The following SPTLC3 variants were observed in gnomAD, a reference collection of about 807,000 sequenced individuals.
The protein encoded by SPTLC3 is serine palmitoyltransferase 3.
Under a neutral mutation model 59.3 loss-of-function variants are expected in SPTLC3, and 36 were observed. That is an observed-to-expected ratio of 0.61 (90% CI 0.47 to 0.80). SPTLC3 has a LOEUF of 0.80. SPTLC3 is among the 30% of genes least tolerant of loss of function. The pLI is 0.00. For missense variants in SPTLC3, 625 were observed against 685.1 expected, an observed-to-expected ratio of 0.91 and a Z score of 0.98; for synonymous variants, 257 against 240.8, an observed-to-expected ratio of 1.07 and a Z score of -0.62.
intron 8 of SPTLC3, among the ~76,000 whole-genome samples, chr20:13,121,405 C>T (rs1442927757): frequency 6.6e-6 from 1 of 152,186 alleles, no homozygotes; most frequent in Non-Finnish European, 1.5e-5. Flanking sequence ...ATTTAACATC[C>T]CTTTGAAGTA....
At chr20:13,102,371 T>G (rs541029359) in intron 6 of SPTLC3, among the ~76,000 whole-genome samples, 27 of 152,344 alleles carry the variant, frequency 1.8e-4, no homozygotes, top group African/African-American at 6.3e-4. Context: ...ATGAATCACC[T>G]GCTACTCTTA....
chr20:13,073,628 C>G, intron 3 of SPTLC3: 1 of 262,178 alleles, frequency 3.8e-6, no homozygotes, highest in East Asian at 9.0e-5. Context: ...TTTAGCCTCA[C>G]GGTAGTTGGT....
At chr20:13,035,042 C>G (rs537173385) in intron 1 of SPTLC3, among the ~76,000 whole-genome samples, 11 of 152,228 alleles carry the variant, frequency 7.2e-5, no homozygotes, top group African/African-American at 2.6e-4. Context: ...CAATTCTTCC[C>G]TCATTCATGA....
At chr20:13,157,368 T>C (rs1600404160) in intron 10 of SPTLC3, among the ~76,000 whole-genome samples, 1 of 150,256 alleles carries the variant, frequency 6.7e-6, no homozygotes, top group Non-Finnish European at 1.5e-5. Flanking sequence ...ACCCGGGAGG[T>C]GGAGGTTGCA....
intron 9 of SPTLC3, among the ~76,000 whole-genome samples, chr20:13,135,851 T>A (rs1213554838): frequency 6.6e-6 from 1 of 152,244 alleles, no homozygotes; most frequent in African/African-American, 2.4e-5. Context: ...TCTCAGCTAT[T>A]ACCTCAGTGC....
At chr20:13,049,169 A>G in intron 2 of SPTLC3, 39 bp downstream of exon 2, 1 of 1,599,670 alleles carries the variant, frequency 6.3e-7, no homozygotes, top group South Asian at 1.1e-5. Flanking sequence ...GTCAATGCCT[A>G]CTCCTCTCTA....
chr20:13,143,086 T>G (rs17190927), intron 9 of SPTLC3, among the ~76,000 whole-genome samples: 17,422 of 152,254 alleles, frequency 0.11, 1,110 homozygotes, highest in East Asian at 0.2. Flanking sequence ...CTGCTTCAAC[T>G]TGAGCACTGA....
chr20:13,033,033 G>A (rs1451523107), intron 1 of SPTLC3, among the ~76,000 whole-genome samples: 1 of 152,116 alleles, frequency 6.6e-6, no homozygotes, highest in Non-Finnish European at 1.5e-5. Flanking sequence ...AATCAATCAA[G>A]AACTAAGACT....
intron 9 of SPTLC3, among the ~76,000 whole-genome samples, chr20:13,142,222 TG>T (rs2038400795): frequency 6.6e-6 from 1 of 152,238 alleles, no homozygotes; most frequent in South Asian, 2.1e-4. Flanking sequence ...TAGATGGCAC[TG>T]GGGCAAAAGA....
chr20:13,060,055 G>T (rs2122532597), intron 2 of SPTLC3, among the ~76,000 whole-genome samples: 1 of 152,128 alleles, frequency 6.6e-6, no homozygotes, highest in South Asian at 2.1e-4. Context: ...TGTACCTCCT[G>T]ACTTTCAGCT....
intron 4 of SPTLC3, among the ~76,000 whole-genome samples, chr20:13,088,784 A>AT (rs375680092): frequency 0.047 from 5,251 of 111,804 alleles, 210 homozygotes; most frequent in Non-Finnish European, 0.06. Context: ...GCACCCGGCT[A>AT]TTTTTTTTTT....
At position 13,165,121 on chromosome 20, in the gene SPTLC3, C is replaced by CACAG; in HGVS notation, c.*254_*255insACAG. The CACAG allele has an allele frequency of 2.5e-6, 1 of 406,992 alleles. No individual in the cohort carries two copies. The highest frequency in any genetic ancestry group is 4.4e-6 in the Non-Finnish European group (1 of 226,374). The allele number at this position is 406,992 out of a possible 1,614,324, so 25.2% of individuals were successfully genotyped here. ...AAATACACACACACACACACACACACTTCTGAGAATATTTTTAATGGCAAT... is the reference window on the plus strand; with the variant it reads ...AAATACACACACACACACACACACACACAGTTCTGAGAATATTTTTAATGGCAAT... On this transcript the variant is annotated 3_prime_UTR_variant, in exon 12 of 12. Coordinates refer to ENST00000399002, the MANE Select transcript of SPTLC3 (RefSeq NM_018327.4).
At chr20:13,095,242 G>A (rs1201553102) in intron 6 of SPTLC3, among the ~76,000 whole-genome samples, 1 of 152,202 alleles carries the variant, frequency 6.6e-6, no homozygotes, top group East Asian at 1.9e-4. Context: ...TTCAACTGTA[G>A]TTCCATCTAT....
chr20:13,105,004 A>AT (rs1419083731), intron 6 of SPTLC3, among the ~76,000 whole-genome samples: 2 of 152,090 alleles, frequency 1.3e-5, no homozygotes, highest in African/African-American at 2.4e-5. Context: ...AAGCATCATT[A>AT]TTTTAAAAAA....
At chr20:13,164,299 A>C (rs2038953994) in intron 11 of SPTLC3, 3 of 468,706 alleles carry the variant, frequency 6.4e-6, no homozygotes, top group Non-Finnish European at 1.3e-5. Context: ...GGGTAGCATG[A>C]GAGGACAGAG....
intron 2 of SPTLC3, among the ~76,000 whole-genome samples, chr20:13,071,331 G>A (rs561192584): frequency 1.1e-4 from 16 of 152,234 alleles, no homozygotes; most frequent in African/African-American, 1.9e-4. Context: ...TCTAGCTCAC[G>A]GAAAATGTCA....
chr20:13,014,234 G>T (rs987273671), intron 1 of SPTLC3, among the ~76,000 whole-genome samples: 4 of 152,214 alleles, frequency 2.6e-5, no homozygotes, highest in African/African-American at 9.6e-5. Flanking sequence ...AAGGTTGTAA[G>T]GGATTGGAGA....
intron 8 of SPTLC3, among the ~76,000 whole-genome samples, chr20:13,125,673 T>C (rs2037971653): frequency 6.6e-6 from 1 of 152,214 alleles, no homozygotes; most frequent in African/African-American, 2.4e-5. Flanking sequence ...GGAATGGTCC[T>C]TCTCTGTTCC....
chr20:13,101,634 C>A (rs6041858), intron 6 of SPTLC3, among the ~76,000 whole-genome samples: 46,580 of 152,166 alleles, frequency 0.31, 7,871 homozygotes, highest in Middle Eastern at 0.4. Context: ...CAGGAACCAA[C>A]ACATTTGTTC....
Sources: allele counts gnomAD v4.1 joint callset (sites outside exome capture counted in the v4.1 genomes callset), GRCh38; gene constraint gnomAD v4.1.1; transcripts MANE v1.5; gene names NCBI Gene and HGNC (gene_info 2026-07-23, HGNC 2026-07-21).